The following ORC2 variants were observed in gnomAD, a reference collection of about 807,000 sequenced individuals.
The protein encoded by ORC2 is origin recognition complex subunit 2, also known as origin recognition complex protein 2 homolog.
Under a neutral mutation model 77.7 loss-of-function variants are expected in ORC2, and 37 were observed. That is an observed-to-expected ratio of 0.48 (90% confidence interval 0.37 to 0.63). The LOEUF (loss-of-function observed/expected upper bound fraction) is 0.63, where lower values mean the gene tolerates loss of function less well. ORC2 is among the 20% of genes least tolerant of loss of function. ORC2 has a pLI of 0.00. For missense variants in ORC2, 557 were observed against 661.9 expected, an observed-to-expected ratio of 0.84 and a Z score of 1.74; for synonymous variants, 201 against 229.5, an observed-to-expected ratio of 0.88 and a Z score of 1.12.
At chr2:200,929,748 T>C (rs1196977729) in intron 11 of ORC2, among the ~76,000 whole-genome samples, 3 of 151,714 alleles carry the variant, frequency 2.0e-5, no homozygotes, top group African/African-American at 4.8e-5. Context: ...TTGAGCTGTA[T>C]TCACACCATT....
Position 200,911,267 on chromosome 2 carries a change from C to T in ORC2, c.*34G>A. The T allele has an allele frequency of 7.7e-7, 1 of 1,292,418 alleles. No homozygotes were observed. The highest frequency in any genetic ancestry group is 1.1e-6 in the Non-Finnish European group (1 of 888,796). The allele number at this position is 1,292,418 out of a possible 1,614,324, so 80.1% of individuals were successfully genotyped here. On this transcript the variant is annotated 3_prime_UTR_variant, in exon 18 of 18. Coordinates refer to ENST00000234296, the MANE Select transcript of ORC2 (RefSeq NM_006190.5). ...AGAGGAGTGGCAGCTGGGGTACAACCCTTCCATGGGAGATTCAAGAATAAA... is the reference window on the plus strand; with the variant it reads ...AGAGGAGTGGCAGCTGGGGTACAACTCTTCCATGGGAGATTCAAGAATAAA...
Position 200,925,981 on chromosome 2 carries a change from C to A in ORC2, c.1051-49G>T. 5.3e-6 allele frequency: 4 copies of A among 759,836 alleles called. No homozygotes were observed. In the South Asian group the frequency reaches 5.6e-5, roughly 11 times the overall value. The allele number at this position is 759,836 out of a possible 1,614,324, so 47.1% of individuals were successfully genotyped here. ...TACCACATTAATTACAATTTATTGTCATATACAACTAGAAAATCAAACCTT... is the reference window on the plus strand; with the variant it reads ...TACCACATTAATTACAATTTATTGTAATATACAACTAGAAAATCAAACCTT... On this transcript the variant is annotated intron_variant, in intron 12 of 17. Coordinates refer to ENST00000234296, the MANE Select transcript of ORC2 (RefSeq NM_006190.5).
intron 17 of ORC2, among the ~76,000 whole-genome samples, chr2:200,911,708 T>C (rs762941906): frequency 1.4e-4 from 22 of 152,188 alleles, no homozygotes; most frequent in Non-Finnish European, 2.9e-4. Context: ...TCTTCCTCCT[T>C]TCAACAAGAA....
intron 4 of ORC2, among the ~76,000 whole-genome samples, chr2:200,950,483 G>C (rs1221434071): frequency 2.0e-5 from 3 of 152,104 alleles, no homozygotes; most frequent in Non-Finnish European, 4.4e-5. Flanking sequence ...AGGGTTGCTA[G>C]GATCCCTGAG....
In ORC2 at chr2:200,963,515, C is replaced by G. The variant is rs990340074; in HGVS notation, c.-85G>C. ...CGCTAGGTTTCCGTCTGGCGCCGAT[C>G]CGGCTGCGTCACGCCGGCCGAACGA... On this transcript the variant is annotated 5_prime_UTR_variant, in exon 1 of 18. Coordinates refer to ENST00000234296, the MANE Select transcript of ORC2 (RefSeq NM_006190.5). 2.5e-6 allele frequency: 1 copy of G among 398,512 alleles called. No homozygotes were observed. Among genetic ancestry groups the G allele is most frequent in the Non-Finnish European group, 4.4e-6 (1 of 226,046 alleles). The allele number at this position is 398,512 out of a possible 1,614,324, so 24.7% of individuals were successfully genotyped here. A position where few individuals can be genotyped will look rare whatever the true frequency, so the allele number is the denominator to read the frequency against.
At chr2:200,915,726 C>T (rs1409239693) in intron 15 of ORC2, among the ~76,000 whole-genome samples, 1 of 151,632 alleles carries the variant, frequency 6.6e-6, no homozygotes, top group African/African-American at 2.4e-5. Context: ...GACAGAATCT[C>T]GCTGTTGCCC....
chr2:200,913,066 T>C (rs2040578901), intron 17 of ORC2, among the ~76,000 whole-genome samples: 1 of 152,220 alleles, frequency 6.6e-6, no homozygotes, highest in Non-Finnish European at 1.5e-5. Flanking sequence ...TGTTTCTAAT[T>C]GCCTATTACT....
At chr2:200,955,266 G>C (rs2041447365) in intron 4 of ORC2, among the ~76,000 whole-genome samples, 1 of 152,126 alleles carries the variant, frequency 6.6e-6, no homozygotes, top group Admixed American at 6.5e-5. Context: ...GTTTTATTTA[G>C]AATATGCTCA....
chr2:200,916,952 A>C (rs1427133506), intron 15 of ORC2, among the ~76,000 whole-genome samples: 3 of 147,474 alleles, frequency 2.0e-5, no homozygotes, highest in East Asian at 2.0e-4. Flanking sequence ...CCTTGGCCTC[A>C]CAAAGTGCTG....
intron 4 of ORC2, among the ~76,000 whole-genome samples, chr2:200,953,351 C>T (rs891780781): frequency 1.1e-4 from 16 of 150,822 alleles, no homozygotes; most frequent in African/African-American, 2.9e-4. Flanking sequence ...GAGAATTTAA[C>T]GATATGTTAA....
At chr2:200,926,079 T>A in intron 12 of ORC2, 147 bp from the exon 13 acceptor site, 1 of 388,704 alleles carries the variant, frequency 2.6e-6, no homozygotes, top group Non-Finnish European at 4.8e-6. Flanking sequence ...CTACTGGTAC[T>A]TGAGTATATC....
At chr2:200,930,118 TAAAGTCCA>T (rs2040913187) in intron 11 of ORC2, among the ~76,000 whole-genome samples, 1 of 150,954 alleles carries the variant, frequency 6.6e-6, no homozygotes, top group Admixed American at 6.6e-5. Context: ...GAGGTCAAGC[TAAAGTCCA>T]ACTCCGTGAT....
At chr2:200,942,887 C>A in intron 5 of ORC2, 110 bp from the exon 6 acceptor site, 1 of 540,244 alleles carries the variant, frequency 1.9e-6, no homozygotes, top group Non-Finnish European at 3.2e-6. Context: ...TTACTTTTAT[C>A]AGAAAAATAA....
chr2:200,932,191 T>C (rs2040952884), intron 10 of ORC2, among the ~76,000 whole-genome samples: 1 of 152,120 alleles, frequency 6.6e-6, no homozygotes, highest in South Asian at 2.1e-4. Flanking sequence ...ACAACTCTTA[T>C]CTCTTCTGAG....
At chr2:200,947,315 C>T (rs2041267966) in intron 5 of ORC2, among the ~76,000 whole-genome samples, 1 of 152,168 alleles carries the variant, frequency 6.6e-6, no homozygotes, top group Admixed American at 6.5e-5. Context: ...TAATGTTACA[C>T]ATTTTAGAAA....
chr2:200,919,911 T>C (rs2040727197), intron 15 of ORC2, among the ~76,000 whole-genome samples: 1 of 152,190 alleles, frequency 6.6e-6, no homozygotes, highest in Non-Finnish European at 1.5e-5. Flanking sequence ...CAATATGTAA[T>C]GAAAAATAAC....
chr2:200,925,816 G>A lies in ORC2; in HGVS notation c.1147+20C>T, dbSNP rs777165080. On this transcript the variant is annotated intron_variant, in intron 13 of 17. Coordinates refer to ENST00000234296, the MANE Select transcript of ORC2 (RefSeq NM_006190.5). The stretch of plus-strand genomic sequence containing the variant: ...TGCTTAACTTTACTCTAAAACTACC[G>A]AGCATCTACTTCATGTTACCTTCTT... The A allele has an allele frequency of 2.0e-5, 23 of 1,140,732 alleles. No homozygotes were observed. The highest frequency in any genetic ancestry group is 1.2e-4 in the Admixed American group (7 of 56,138). The allele number at this position is 1,140,732 out of a possible 1,614,324, so 70.7% of individuals were successfully genotyped here.
At chr2:200,925,730 G>T in intron 13 of ORC2, 106 bp downstream of exon 13, 1 of 359,016 alleles carries the variant, frequency 2.8e-6, no homozygotes, top group Non-Finnish European at 5.2e-6. Context: ...CAGAGAGACT[G>T]TCTCAAAAAT....
At chr2:200,955,759 T>C (rs924176255) in intron 4 of ORC2, among the ~76,000 whole-genome samples, 13 of 152,246 alleles carry the variant, frequency 8.5e-5, no homozygotes, top group African/African-American at 3.1e-4. Context: ...ACTCTCCTAG[T>C]ACCCAACAAT....
Sources: allele counts gnomAD v4.1 joint callset (sites outside exome capture counted in the v4.1 genomes callset), GRCh38; gene constraint gnomAD v4.1.1; transcripts MANE v1.5; gene names NCBI Gene and HGNC (gene_info 2026-07-23, HGNC 2026-07-21).